The following ERBB4 variants were observed in gnomAD, a reference collection of about 807,000 sequenced individuals.
ERBB4 encodes receptor tyrosine-protein kinase erbB-4.
ERBB4 carries 42 observed loss-of-function variants against 158.0 expected under a neutral mutation model. The ratio of observed to expected loss-of-function variants is 0.27; its 90% CI spans 0.21 to 0.34. ERBB4 has a LOEUF of 0.34. Among genes scored for constraint, ERBB4 ranks in the 10% least tolerant of loss-of-function variants. The probability of loss-of-function intolerance (pLI) is 1.00; values close to 1 mark genes in which losing one functional copy is unlikely to be tolerated. For missense variants in ERBB4, 1,333 were observed against 1,624.1 expected, an observed-to-expected ratio of 0.82 and a Z score of 3.08; for synonymous variants, 583 against 558.7, an observed-to-expected ratio of 1.04 and a Z score of -0.61.
chr2:211,738,364 T>TTA (rs1305454982), intron 5 of ERBB4, among the ~76,000 whole-genome samples: 1 of 58,458 alleles, frequency 1.7e-5, no homozygotes, highest in Non-Finnish European at 3.3e-5. Context: ...TGTTTTTGTT[T>TTA]TTTTTTTTTT....
intron 2 of ERBB4, among the ~76,000 whole-genome samples, chr2:212,080,689 A>C (rs1255741905): frequency 6.6e-6 from 1 of 151,916 alleles, no homozygotes; most frequent in Non-Finnish European, 1.5e-5. Flanking sequence ...AAAAAAAAAA[A>C]AAAAACCTCT....
At chr2:211,996,683 C>T (rs2082207956) in intron 2 of ERBB4, among the ~76,000 whole-genome samples, 1 of 152,112 alleles carries the variant, frequency 6.6e-6, no homozygotes, top group Non-Finnish European at 1.5e-5. Flanking sequence ...TTACTCAGGC[C>T]TTCGGTTTGT....
chr2:211,801,321 C>T (rs73985877), intron 3 of ERBB4, among the ~76,000 whole-genome samples: 2,269 of 152,196 alleles, frequency 0.015, 77 homozygotes, highest in African/African-American at 0.053. Flanking sequence ...GGTGAACTTA[C>T]TGGATTAAAT....
intron 20 of ERBB4, among the ~76,000 whole-genome samples, chr2:211,545,999 T>G (rs2066931120): frequency 6.6e-6 from 1 of 152,092 alleles, no homozygotes; most frequent in Non-Finnish European, 1.5e-5. Context: ...CAGCTCACCC[T>G]CCCTTTCCAT....
At chr2:211,479,167 G>C (rs2065025429) in intron 20 of ERBB4, among the ~76,000 whole-genome samples, 1 of 152,048 alleles carries the variant, frequency 6.6e-6, no homozygotes, top group African/African-American at 2.4e-5. Context: ...GTATGGAGTG[G>C]GGTCTTAAAA....
intron 8 of ERBB4, among the ~76,000 whole-genome samples, 157 bp from the exon 9 acceptor site, chr2:211,712,333 G>A (rs962945833): frequency 1.1e-4 from 16 of 151,984 alleles, no homozygotes; most frequent in Admixed American, 5.2e-4. Flanking sequence ...TTATTCATTC[G>A]TTCAACATTC....
At chr2:211,688,326 C>A (rs1179477570) in intron 12 of ERBB4, among the ~76,000 whole-genome samples, 1 of 152,118 alleles carries the variant, frequency 6.6e-6, no homozygotes, top group African/African-American at 2.4e-5. Context: ...TCAACTCTAG[C>A]TGCATTATTC....
At chr2:212,290,364 A>G (rs1351336067) in intron 1 of ERBB4, among the ~76,000 whole-genome samples, 2 of 152,174 alleles carry the variant, frequency 1.3e-5, no homozygotes, top group Non-Finnish European at 2.9e-5. Context: ...TGTGTGATAT[A>G]TATATGAAGT....
In ERBB4 at chr2:211,675,754, T is replaced by C. The variant is rs374677466; in HGVS notation, c.1623-2497A>G. On this transcript the variant is annotated intron_variant, in intron 13 of 27. Coordinates refer to ENST00000342788, the MANE Select transcript of ERBB4 (RefSeq NM_005235.3). ...TCTTCTGGAGCCACATTTTTTAACA[T>C]ATATATATTTAATATAATATATATA... is the stretch of plus-strand genomic sequence containing the variant. 1.6e-4 allele frequency among the ~76,000 whole-genome samples: 22 copies of C among 136,054 alleles called. No individual in the cohort carries two copies. The South Asian group carries it at 4.9e-3, about 30-fold the overall frequency. The allele number at this position is 136,054 out of a possible 152,430, so 89.3% of individuals were successfully genotyped here.
intron 1 of ERBB4, among the ~76,000 whole-genome samples, chr2:212,523,154 G>T (rs1168793370): frequency 1.3e-5 from 2 of 151,638 alleles, no homozygotes; most frequent in African/African-American, 4.8e-5. Context: ...ACTAATAAAG[G>T]TCTACTTTAT....
intron 5 of ERBB4, among the ~76,000 whole-genome samples, chr2:211,727,485 G>T (rs1467243433): frequency 6.6e-6 from 1 of 151,830 alleles, no homozygotes; most frequent in Non-Finnish European, 1.5e-5. Context: ...AAGTAAATAG[G>T]TAAATCATAT....
intron 1 of ERBB4, among the ~76,000 whole-genome samples, chr2:212,400,566 A>G (rs1003299788): frequency 6.6e-6 from 1 of 152,212 alleles, no homozygotes; most frequent in African/African-American, 2.4e-5. Context: ...GTCAGCAAAG[A>G]CAAATAGTTT....
At chr2:212,293,025 TA>T (rs2086267141) in intron 1 of ERBB4, among the ~76,000 whole-genome samples, 2 of 151,988 alleles carry the variant, frequency 1.3e-5, no homozygotes, top group South Asian at 4.1e-4. Flanking sequence ...GAAGAAGCTA[TA>T]AAAACAAAGC....
At chr2:211,836,074 G>A (rs563674370) in intron 3 of ERBB4, among the ~76,000 whole-genome samples, 42 of 151,992 alleles carry the variant, frequency 2.8e-4, no homozygotes, top group African/African-American at 8.9e-4. Flanking sequence ...AATCATGTCA[G>A]GTCTTTATCT....
intron 2 of ERBB4, among the ~76,000 whole-genome samples, chr2:212,065,520 GTTAATATCCAGA>G (rs2077917597): frequency 6.6e-6 from 1 of 152,006 alleles, no homozygotes; most frequent in Admixed American, 6.6e-5. Context: ...AAATGTCTAA[GTTAATATCCAGA>G]TTACTTTACT....
At chr2:211,807,513 T>A (rs748909832) in intron 3 of ERBB4, among the ~76,000 whole-genome samples, 1 of 152,246 alleles carries the variant, frequency 6.6e-6, no homozygotes, top group Non-Finnish European at 1.5e-5. Flanking sequence ...ATGGTGTATA[T>A]GTGCCACATT....
At chr2:211,500,982 T>G (rs1426342286) in intron 20 of ERBB4, among the ~76,000 whole-genome samples, 1 of 152,034 alleles carries the variant, frequency 6.6e-6, no homozygotes, top group Non-Finnish European at 1.5e-5. Context: ...CTCATTACTT[T>G]AGTAAGATTT....
chr2:211,847,084 C>T (rs11903196), intron 3 of ERBB4, among the ~76,000 whole-genome samples: 33,010 of 151,986 alleles, frequency 0.22, 3,713 homozygotes, highest in South Asian at 0.33. Context: ...GAAACTTGGT[C>T]CATAAATGCA....
At chr2:211,655,968 A>C (rs1255281176) in intron 16 of ERBB4, among the ~76,000 whole-genome samples, 2 of 152,236 alleles carry the variant, frequency 1.3e-5, no homozygotes, top group Non-Finnish European at 2.9e-5. Context: ...TTATTTTAAA[A>C]ACATGTAAAG....
Sources: gnomAD v4.1 joint callset for allele counts (sites outside exome capture counted in the v4.1 genomes callset) on GRCh38, gnomAD v4.1.1 for gene constraint, MANE v1.5 for transcripts, NCBI Gene and HGNC (gene_info 2026-07-23, HGNC 2026-07-21) for gene names.